Variants in ACSL6 observed in about 807,000 individuals in gnomAD.
ACSL6 encodes the protein long-chain-fatty-acid--CoA ligase 6.
A neutral mutation model predicts 98.2 loss-of-function variants in ACSL6; 47 were observed. The ratio of observed to expected loss-of-function variants is 0.48; its 90% confidence interval spans 0.38 to 0.61. The LOEUF (loss-of-function observed/expected upper bound fraction) is 0.61, where lower values mean the gene tolerates loss of function less well. ACSL6 is among the 20% of genes least tolerant of loss of function. ACSL6 has a pLI of 0.00. For synonymous variants in ACSL6, 362 were observed against 336.9 expected (o/e 1.07, Z -0.82); for missense variants, 761 against 913.4 (o/e 0.83, Z 2.15).
At position 131,988,108 on chromosome 5, in the gene ACSL6, T is replaced by G; in HGVS notation, c.771A>C (p.Glu257Asp). 1.2e-6 allele frequency: 2 copies of G among 1,614,182 alleles called. No individual in the cohort carries two copies. The highest frequency in any genetic ancestry group is 1.7e-6 in the Non-Finnish European group (2 of 1,180,016). ...KLIILMDPFE[E>D]ALKERGQKCG... ...ACTTCTGCCCTCTCTCTTTCAGGGC[T>G]TCTTCGAATGGGTCCATGAGGATGA... The change falls in exon 7 of 21, where the codon GAA (glutamate) becomes GAC (aspartate). Residue 257 changes from glutamate (E) to aspartate (D), a missense_variant. Coordinates refer to ENST00000651883, the MANE Select transcript of ACSL6 (RefSeq NM_001009185.3).
intron 1 of ACSL6, among the ~76,000 whole-genome samples, chr5:132,005,777 A>G (rs1313422921): frequency 6.6e-6 from 1 of 152,208 alleles, no homozygotes; most frequent in Non-Finnish European, 1.5e-5. Flanking sequence ...AGTCTTGATC[A>G]GTCCCTTGGA....
Position 131,988,163 on chromosome 5 carries a change from T to A in ACSL6, c.716A>T (p.Glu239Val), listed in dbSNP as rs748300288. Residue 239 changes from glutamate (E) to valine (V), a missense_variant, in exon 7 of 21, where the codon GAG becomes GTG. Transcript: ENST00000651883. ...CTTGAGGCCTGGAGTCTCCTTCCTC[T>A]CCACATGCTCTAGCAGAAGCACAGC... ...QKAVLLLEHVERKETPGLKLI... is the reference protein window; with the variant it reads ...QKAVLLLEHVVRKETPGLKLI... 6.2e-7 allele frequency: 1 copy of A among 1,614,132 alleles called. No individual in the cohort carries two copies. The highest frequency in any genetic ancestry group is 8.5e-7 in the Non-Finnish European group (1 of 1,180,014).
chr5:132,004,895 C>G (rs1420496566), intron 1 of ACSL6, among the ~76,000 whole-genome samples: 2 of 152,132 alleles, frequency 1.3e-5, no homozygotes, highest in Admixed American at 1.3e-4. Flanking sequence ...AATCCCAGCA[C>G]TTTGGGAGGC....
chr5:131,995,885 C>T (rs1290060469), intron 1 of ACSL6, among the ~76,000 whole-genome samples: 1 of 152,200 alleles, frequency 6.6e-6, no homozygotes, highest in African/African-American at 2.4e-5. Flanking sequence ...CTGCATCTGG[C>T]ATATTCAGAG....
At position 132,011,352 on chromosome 5, in the gene ACSL6, G is replaced by T; in HGVS notation, c.49+153C>A. The T allele has an allele frequency of 2.5e-6, 2 of 791,814 alleles. No individual in the cohort carries two copies. The highest frequency in any genetic ancestry group is 4.2e-6 in the Non-Finnish European group (2 of 478,910). 49.0% of individuals were successfully genotyped at this position (791,814 alleles called of 1,614,324 possible). A position where few individuals can be genotyped will look rare whatever the true frequency, so the allele number is the denominator to read the frequency against. ...CCCGCGAGAACTGGGGGCGGAGGGT[G>T]TACTTAGGCGGCCCTGGGGACCTTG... On this transcript the variant is annotated intron_variant, in intron 1 of 20. Transcript: ENST00000651883. The surrounding 1 kb of genome is among the most constrained non-coding windows in gnomAD (Gnocchi z 5.4).
chr5:132,009,811 G>A (rs1321365985), intron 1 of ACSL6, among the ~76,000 whole-genome samples: 3 of 152,152 alleles, frequency 2.0e-5, no homozygotes, highest in African/African-American at 7.2e-5. Context: ...ACCCCACAGG[G>A]TGAGGGACTT....
intron 1 of ACSL6, among the ~76,000 whole-genome samples, chr5:132,000,366 G>A (rs976543062): frequency 4.7e-4 from 72 of 151,926 alleles, no homozygotes; most frequent in African/African-American, 1.7e-3. Context: ...GTTTGCATGG[G>A]AATGGTCACC....
At position 131,954,234 on chromosome 5, in the gene ACSL6, TC is replaced by T; in HGVS notation, c.2168del (p.Ter723=). ...CACTGAGAAGAACTTTCCTTGAACTTCACATGGAGATTGAGTAAAGCTCTTC... is the reference window on the plus strand; with the variant it reads ...CACTGAGAAGAACTTTCCTTGAACTTACATGGAGATTGAGTAAAGCTCTTC... Reference protein sequence around the residue: ...QIEELYSISM* With the variant: ...QIEELYSISMX On this transcript the variant is annotated frameshift_variant and stop_lost, in exon 21 of 21. Transcript: ENST00000651883. LOFTEE classifies it high-confidence loss of function. 5 of 1,610,794 alleles carry T rather than the reference TC, an allele frequency of 3.1e-6. No individual in the cohort carries two copies. Among genetic ancestry groups the T allele is most frequent in the Non-Finnish European group, 4.2e-6 (5 of 1,179,132 alleles).
At chr5:131,998,836 T>G (rs80031344) in intron 1 of ACSL6, among the ~76,000 whole-genome samples, 5,560 of 152,280 alleles carry the variant, frequency 0.037, 295 homozygotes, top group African/African-American at 0.12. Flanking sequence ...AGAAACCTTA[T>G]CTGGCTTCCT....
intron 16 of ACSL6, among the ~76,000 whole-genome samples, chr5:131,966,996 G>A (rs557920770): frequency 6.6e-6 from 1 of 152,276 alleles, no homozygotes; most frequent in Non-Finnish European, 1.5e-5. Context: ...TGTTTCTGCT[G>A]GGACAGATCA....
intron 4 of ACSL6, 148 bp downstream of exon 4, chr5:131,989,952 C>T (rs1754416959): frequency 4.7e-6 from 4 of 842,548 alleles, no homozygotes; most frequent in Admixed American, 2.6e-5. Flanking sequence ...GCTGGAAGCC[C>T]TTCAAGGCTG....
upstream of ACSL6, chr5:132,011,976 T>C (rs1311966613): frequency 2.6e-6 from 4 of 1,520,998 alleles, no homozygotes; most frequent in East Asian, 2.6e-5. This position sits in a 1 kb window ranked among gnomAD's most constrained non-coding sequence, Gnocchi z 5.4. Flanking sequence ...GAGCGTGACA[T>C]TGAGCCCACC....
intron 10 of ACSL6, 104 bp downstream of exon 10, chr5:131,976,544 G>GGAA: frequency 2.4e-6 from 2 of 827,510 alleles, no homozygotes; most frequent in Non-Finnish European, 3.5e-6. Context: ...GTTATATCAA[G>GGAA]AAAAAAAAAA....
rs149511053 is a variant in ACSL6 at position 131,990,819 on chromosome 5, G to A, written c.385+34C>T. ...GCACCCACTCCACCCCTGCCACACA[G>A]CCCCTCCACACCCCCCCCCACAACC... On this transcript the variant is annotated intron_variant, in intron 3 of 20. Transcript: ENST00000651883. 2,328 of 1,491,826 alleles carry A rather than the reference G, an allele frequency of 1.6e-3. 27 individuals carry two copies. In the African/African-American group the frequency reaches 0.025, roughly 16 times the overall value. 92.4% of individuals were successfully genotyped at this position (1,491,826 alleles called of 1,614,324 possible).
chr5:131,983,098 A>G (rs1753989796), intron 9 of ACSL6: 2 of 152,270 alleles, frequency 1.3e-5, no homozygotes, highest in African/African-American at 2.4e-5. Flanking sequence ...GACAAGGCAT[A>G]TGAACTCACA....
intron 1 of ACSL6, chr5:131,999,350 C>A (rs1754952172): frequency 6.6e-6 from 1 of 152,252 alleles, no homozygotes; most frequent in African/African-American, 2.4e-5. Context: ...GCAGTTACTC[C>A]ATCTCTTTGC....
At chr5:131,957,611 T>C (rs1454588764) in intron 20 of ACSL6, among the ~76,000 whole-genome samples, 1 of 152,250 alleles carries the variant, frequency 6.6e-6, no homozygotes, top group African/African-American at 2.4e-5. Flanking sequence ...TTTTGTTGAA[T>C]GACTTAAACT....
At chr5:131,969,828 T>C (rs1022566093) in intron 15 of ACSL6, among the ~76,000 whole-genome samples, 3 of 152,130 alleles carry the variant, frequency 2.0e-5, no homozygotes, top group Non-Finnish European at 4.4e-5. Context: ...CTGAGGAGAT[T>C]CATCCTTCAG....
rs771276319 is a variant in ACSL6 at position 131,971,616 on chromosome 5, A to G, written c.1368T>C (p.Ile456=). 6.2e-7 allele frequency: 1 copy of G among 1,612,290 alleles called. No individual in the cohort carries two copies. The highest frequency in any genetic ancestry group is 1.7e-5 in the Admixed American group (1 of 59,902). ...QASLGGCVRM[I]VTGAAPASPT... ...GTGATGCTGGGGCTGCTCCAGTAAC[A>G]ATCATCCGCACACACCCACCAAGAC... Residue 456 remains isoleucine (I), a synonymous_variant, in exon 14 of 21, where the codon ATT becomes ATC. Transcript: ENST00000651883.
Sources: allele counts gnomAD v4.1 joint callset (sites outside exome capture counted in the v4.1 genomes callset), GRCh38; gene constraint gnomAD v4.1.1; non-coding constraint Gnocchi (gnomAD v3.1); transcripts MANE v1.5; gene names NCBI Gene and HGNC (gene_info 2026-07-23, HGNC 2026-07-21).